Variants in CATSPERE observed in about 807,000 individuals in gnomAD.
CATSPERE encodes cation channel sperm-associated auxiliary subunit epsilon.
A neutral mutation model predicts 114.1 loss-of-function variants in CATSPERE; 93 were observed. That is an observed-to-expected ratio of 0.81 (90% CI 0.69 to 0.97). The LOEUF is 0.97. CATSPERE is among the 50% of genes least tolerant of loss of function. The pLI, the probability that CATSPERE is intolerant of heterozygous loss-of-function variation, is 0.00. For synonymous variants in CATSPERE, 341 were observed against 384.1 expected, an observed-to-expected ratio of 0.89 and a Z score of 1.31; for missense variants, 1,058 against 1,131.6, an observed-to-expected ratio of 0.93 and a Z score of 0.93.
intron 10 of CATSPERE, among the ~76,000 whole-genome samples, chr1:244,565,691 C>T (rs1408395104): frequency 6.6e-6 from 1 of 151,944 alleles, no homozygotes; most frequent in African/African-American, 2.4e-5. Flanking sequence ...AAAAAACCAG[C>T]TCCTGGTTTC....
intron 14 of CATSPERE, among the ~76,000 whole-genome samples, chr1:244,590,376 CT>C (rs1223131906): frequency 6.6e-6 from 1 of 152,092 alleles, no homozygotes; most frequent in Admixed American, 6.5e-5. Flanking sequence ...GATAGATTTT[CT>C]ATGAGTTTTT....
At chr1:244,620,668 C>T (rs935227674) in intron 20 of CATSPERE, among the ~76,000 whole-genome samples, 32 of 151,988 alleles carry the variant, frequency 2.1e-4, no homozygotes, top group African/African-American at 7.5e-4. Context: ...TCAGGGGAAA[C>T]CTTTCCTGTA....
chr1:244,465,009 T>A (rs765984832), intron 2 of CATSPERE, among the ~76,000 whole-genome samples: 6 of 151,636 alleles, frequency 4.0e-5, no homozygotes, highest in Non-Finnish European at 5.9e-5. Flanking sequence ...TCCCCTCCTT[T>A]GCCTTATGAT....
In CATSPERE at chr1:244,625,491, C is replaced by T. The variant is rs368338974; in HGVS notation, c.2648+7805C>T. ...GTCTCCAGGCTGGAGTGCAGTGGTG[C>T]GATCTCGGCTCACTGCAACCTCCAC... is the stretch of plus-strand genomic sequence containing the variant. On this transcript the variant is annotated intron_variant, in intron 20 of 21. Coordinates refer to ENST00000366534, the MANE Select transcript of CATSPERE (RefSeq NM_001130957.2). Among the ~76,000 whole-genome samples the T allele has an allele frequency of 1.7e-4, 20 of 115,860 alleles. No individual in the cohort carries two copies. In the East Asian group the frequency reaches 4.4e-3, roughly 25 times the overall value. The allele number at this position is 115,860 out of a possible 152,430, so 76.0% of individuals were successfully genotyped here.
chr1:244,555,379 T>G (rs1485232539), intron 9 of CATSPERE, among the ~76,000 whole-genome samples: 7 of 117,958 alleles, frequency 5.9e-5, no homozygotes, highest in Non-Finnish European at 1.2e-4. Flanking sequence ...CGAGACTCCA[T>G]CCCAAAAAAA....
At chr1:244,604,176 G>A (rs1380285967) in intron 17 of CATSPERE, among the ~76,000 whole-genome samples, 1 of 152,216 alleles carries the variant, frequency 6.6e-6, no homozygotes, top group African/African-American at 2.4e-5. Context: ...AAGGGTCCCA[G>A]AGCTCTCAGT....
chr1:244,490,944 G>C (rs1167902085), intron 6 of CATSPERE, among the ~76,000 whole-genome samples: 2 of 151,838 alleles, frequency 1.3e-5, no homozygotes, highest in Non-Finnish European at 2.9e-5. Context: ...AATACAGGTG[G>C]ATCTAAACCA....
chr1:244,556,028 A>G (rs1661517650), intron 9 of CATSPERE, among the ~76,000 whole-genome samples: 1 of 152,096 alleles, frequency 6.6e-6, no homozygotes, highest in African/African-American at 2.4e-5. Flanking sequence ...CCTGTTCTCT[A>G]CAAATAAAAA....
chr1:244,590,905 T>TTTGA (rs1466777510), intron 14 of CATSPERE, among the ~76,000 whole-genome samples: 56 of 152,370 alleles, frequency 3.7e-4, no homozygotes, highest in African/African-American at 1.2e-3. Context: ...AATATTTGTG[T>TTTGA]ACAAGTGTTT....
intron 8 of CATSPERE, among the ~76,000 whole-genome samples, chr1:244,531,739 T>G (rs1426706802): frequency 6.6e-6 from 1 of 152,216 alleles, no homozygotes; most frequent in East Asian, 1.9e-4. Context: ...GTTACCATTT[T>G]GTCTTAGATT....
chr1:244,632,099 TAAAG>T (rs1442763363), intron 20 of CATSPERE, among the ~76,000 whole-genome samples: 2 of 150,578 alleles, frequency 1.3e-5, no homozygotes, highest in African/African-American at 4.9e-5. Flanking sequence ...AAAGCAAAAA[TAAAG>T]AAAATACTGT....
rs751986028 is a variant in CATSPERE at position 244,561,145 on chromosome 1, G to C, written c.1507G>C (p.Asp503His). ...NDSIIHEVFI[D>H]YYGDILVKME... is the part of the protein sequence containing the mutation. The stretch of plus-strand genomic sequence containing the variant: ...CAGCATTATTCATGAAGTTTTCATA[G>C]GTAAGGCATTCTCAGTCCACTAACA... The change falls in exon 10 of 22, where the codon GAT becomes CAT. Residue 503 changes from aspartate to histidine, a missense_variant and splice_region_variant. Coordinates refer to ENST00000366534, the MANE Select transcript of CATSPERE (RefSeq NM_001130957.2). The C allele has an allele frequency of 1.3e-6, 2 of 1,541,698 alleles. No homozygotes were observed. Among genetic ancestry groups the C allele is most frequent in the Non-Finnish European group, 1.8e-6 (2 of 1,119,246 alleles).
chr1:244,623,098 A>G (rs1164558239), intron 20 of CATSPERE, among the ~76,000 whole-genome samples: 1 of 112,300 alleles, frequency 8.9e-6, no homozygotes, highest in Non-Finnish European at 2.0e-5. Context: ...TTTGAGACTG[A>G]GTCTTGCTCT....
At position 244,456,272 on chromosome 1, in the gene CATSPERE, C is replaced by T. The variant is rs765393995; in HGVS notation, n.238-1221C>T. Among the ~76,000 whole-genome samples the T allele has an allele frequency of 5.3e-5, 8 of 151,928 alleles. No homozygotes were observed. The East Asian group carries it at 5.8e-4, about 11-fold the overall frequency. On this transcript the variant is annotated intron_variant and non_coding_transcript_variant, in intron 1 of 15. Coordinates refer to the CATSPERE transcript ENST00000473875. ...AGCGGCACCCTTAATTTTAAGAATC[C>T]GTCTTTGCCTTCAGCTGCTTGTTTG...
At chr1:244,495,169 A>G (rs1672896937) in intron 6 of CATSPERE, among the ~76,000 whole-genome samples, 1 of 152,188 alleles carries the variant, frequency 6.6e-6, no homozygotes, top group Admixed American at 6.5e-5. Context: ...CAGGAAAAGG[A>G]ATTTCCTGAT....
At chr1:244,625,402 T>TATATATATATA (rs1553391554) in intron 20 of CATSPERE, among the ~76,000 whole-genome samples, 1 of 45,962 alleles carries the variant, frequency 2.2e-5, no homozygotes, top group African/African-American at 9.5e-5. Context: ...ATTATTATTA[T>TATATATATATA]TATTTATATA....
rs142044523 is a variant in CATSPERE at position 244,568,882 on chromosome 1, T to C, written c.1508-3448T>C. On this transcript the variant is annotated intron_variant, in intron 10 of 21. Transcript: ENST00000366534. This position sits in a 1 kb window ranked among gnomAD's most constrained non-coding sequence, Gnocchi z 4.4. ...CTCTCACTGGTGTTCCTGGCACCAC[T>C]GGGGTATGAAAAAAAACAAAAACAA... 9.9e-3 allele frequency among the ~76,000 whole-genome samples: 1,501 copies of C among 152,110 alleles called. 30 individuals carry two copies. Among genetic ancestry groups the C allele is most frequent in the African/African-American group, 0.033 (1,376 of 41,488 alleles).
intron 2 of CATSPERE, among the ~76,000 whole-genome samples, chr1:244,466,990 T>C (rs1460816138): frequency 1.3e-5 from 2 of 152,224 alleles, no homozygotes; most frequent in East Asian, 1.9e-4. Context: ...TGAGGGTTCC[T>C]GGTTTCCAGC....
At position 244,617,594 on chromosome 1, in the gene CATSPERE, T is replaced by G. The variant is rs1671559449; in HGVS notation, c.2556T>G (p.Ile852Met). The change falls in exon 20 of 22, where the codon ATT (isoleucine) becomes ATG (methionine). Residue 852 changes from isoleucine (I) to methionine (M), a missense_variant. Physicochemically the swap from Ile to Met is conservative, Grantham distance 10 (BLOSUM62 1). Around this residue, in one of 2 missense-constraint regions of CATSPERE, gnomAD observed 787 missense variants for 905.6 expected, o/e 0.87. Coordinates refer to ENST00000366534, the MANE Select transcript of CATSPERE (RefSeq NM_001130957.2). ...GAGACTTAAATCAACCATACGAGAT[T>G]ATCAACAGTTCTAATGGTAACCATA... is the stretch of plus-strand genomic sequence containing the variant. ...KPGDLNQPYEIINSSNGNHIF... is the reference protein window; with the variant it reads ...KPGDLNQPYEMINSSNGNHIF... 1 of 1,544,394 alleles carries G rather than the reference T, an allele frequency of 6.5e-7. No homozygotes were observed. The highest frequency in any genetic ancestry group is 8.7e-7 in the Non-Finnish European group (1 of 1,144,854).
Sources: gnomAD v4.1 joint callset for allele counts (sites outside exome capture counted in the v4.1 genomes callset) on GRCh38, gnomAD v4.1.1 for gene constraint, gnomAD v4.1.1 regional missense constraint, Gnocchi (gnomAD v3.1) non-coding constraint, MANE v1.5 for transcripts, NCBI Gene and HGNC (gene_info 2026-07-23, HGNC 2026-07-21) for gene names.